The following NFIB variants were observed in gnomAD, a reference collection of about 807,000 sequenced individuals.
NFIB encodes nuclear factor 1 B-type.
In NFIB, 11 loss-of-function variants were observed where a neutral mutation model predicts 61.5. The observed-to-expected ratio is 0.18, with a 90% CI of 0.11 to 0.30. The LOEUF (loss-of-function observed/expected upper bound fraction) is 0.30. Ranked by LOEUF, NFIB falls within the 10% of genes least tolerant of loss-of-function variation. The pLI is 1.00. For missense variants in NFIB, 471 were observed against 608.9 expected, an observed-to-expected ratio of 0.77 and a Z score of 2.38; for synonymous variants, 260 against 216.5, an observed-to-expected ratio of 1.20 and a Z score of -1.76.
chr9:14,089,932 C>T (rs932646856), intron 10 of NFIB, among the ~76,000 whole-genome samples: 5 of 152,094 alleles, frequency 3.3e-5, no homozygotes, highest in African/African-American at 7.2e-5. Flanking sequence ...AATATCACAA[C>T]GACCATTTGT....
At chr9:14,523,332 C>T in the NFIB span, among the ~76,000 whole-genome samples, 2 of 152,036 alleles carry the variant, frequency 1.3e-5, no homozygotes, top group East Asian at 3.9e-4. Context: ...ATCTCTTTCT[C>T]AAAATTATTT....
At chr9:14,461,781 C>A in the NFIB span, among the ~76,000 whole-genome samples, 459 of 152,324 alleles carry the variant, frequency 3.0e-3, no homozygotes, top group Admixed American at 4.6e-3. Flanking sequence ...GTTGTGGAAA[C>A]TTTGCCTGGG....
At chr9:14,396,804 C>T (rs942017703) in intron 1 of NFIB, among the ~76,000 whole-genome samples, 5 of 152,168 alleles carry the variant, frequency 3.3e-5, no homozygotes, top group Non-Finnish European at 7.3e-5. Context: ...GTCATTGTCA[C>T]AGGAGCCTGT....
chr9:14,386,311 G>T (rs373696491), intron 1 of NFIB, among the ~76,000 whole-genome samples: 1 of 152,294 alleles, frequency 6.6e-6, no homozygotes, highest in Admixed American at 6.5e-5. Context: ...CAACTTAGGA[G>T]CATATGCTTG....
At chr9:14,151,807 A>C (rs944824950) in intron 4 of NFIB, among the ~76,000 whole-genome samples, 1 of 152,108 alleles carries the variant, frequency 6.6e-6, no homozygotes, top group Non-Finnish European at 1.5e-5. Context: ...AGCTCACACG[A>C]AATTGTACTC....
chr9:14,508,603 C>A, the NFIB span, among the ~76,000 whole-genome samples: 1 of 152,242 alleles, frequency 6.6e-6, no homozygotes, highest in Non-Finnish European at 1.5e-5. Flanking sequence ...CGGAGAAAGT[C>A]TATCACCAGG....
At chr9:14,344,073 C>A (rs1210623817) in intron 1 of NFIB, among the ~76,000 whole-genome samples, 1 of 148,048 alleles carries the variant, frequency 6.8e-6, no homozygotes, top group African/African-American at 2.5e-5. Context: ...TGCTAATATG[C>A]TGAGGACCTT....
intron 1 of NFIB, among the ~76,000 whole-genome samples, chr9:14,380,535 C>G (rs889427779): frequency 6.6e-6 from 1 of 152,158 alleles, no homozygotes; most frequent in East Asian, 1.9e-4. Flanking sequence ...CTCCTAGAGT[C>G]AAGAACACTG....
At chr9:14,141,853 G>A (rs2041742851) in intron 6 of NFIB, among the ~76,000 whole-genome samples, 1 of 137,374 alleles carries the variant, frequency 7.3e-6, no homozygotes. Flanking sequence ...CTTCCACACT[G>A]TGGAAGCTTT....
At chr9:14,216,288 G>C (rs1015949965) in intron 2 of NFIB, among the ~76,000 whole-genome samples, 1 of 152,156 alleles carries the variant, frequency 6.6e-6, no homozygotes, top group African/African-American at 2.4e-5. Context: ...CACTCAGGCT[G>C]AGCTTATCCC....
chr9:14,281,297 T>C (rs2058356390), intron 2 of NFIB, among the ~76,000 whole-genome samples: 1 of 152,200 alleles, frequency 6.6e-6, no homozygotes, highest in Non-Finnish European at 1.5e-5. Context: ...TTAACTGTAA[T>C]GTACTGTCTG....
rs79490009 is a variant in NFIB at position 14,223,343 on chromosome 9, G to A, written c.563-43563C>T. Among the ~76,000 whole-genome samples the A allele has an allele frequency of 1.8e-3, 274 of 152,208 alleles. 3 individuals carry two copies. Among genetic ancestry groups the A allele is most frequent in the African/African-American group, 5.9e-3 (245 of 41,528 alleles). ...CGCCTTACTGATAAGTGACTACTAC[G>A]TAATACTCCAGTTCAGACTCATGAT... On this transcript the variant is annotated intron_variant, in intron 2 of 10. Coordinates refer to ENST00000380953, the MANE Select transcript of NFIB (RefSeq NM_001190737.2).
the NFIB span, among the ~76,000 whole-genome samples, chr9:14,509,147 T>G: frequency 3.3e-5 from 5 of 152,338 alleles, no homozygotes; most frequent in African/African-American, 1.2e-4. Context: ...GTGACATTAG[T>G]CAGCAAAACA....
At chr9:14,279,266 G>A (rs991714442) in intron 2 of NFIB, among the ~76,000 whole-genome samples, 4 of 152,038 alleles carry the variant, frequency 2.6e-5, no homozygotes, top group African/African-American at 4.8e-5. Context: ...CCTTTTCTAC[G>A]ATAATAAGAG....
At chr9:14,290,900 C>G (rs987168927) in intron 2 of NFIB, among the ~76,000 whole-genome samples, 1 of 152,158 alleles carries the variant, frequency 6.6e-6, no homozygotes, top group Middle Eastern at 3.4e-3. Flanking sequence ...ATAGTATGCT[C>G]TCATAACATT....
At chr9:14,445,218 T>A in the NFIB span, among the ~76,000 whole-genome samples, 1 of 152,196 alleles carries the variant, frequency 6.6e-6, no homozygotes, top group Non-Finnish European at 1.5e-5. Flanking sequence ...ATAATTAACC[T>A]GTATATTTTG....
intron 2 of NFIB, among the ~76,000 whole-genome samples, chr9:14,265,869 G>A (rs941090778): frequency 6.6e-6 from 1 of 152,158 alleles, no homozygotes; most frequent in African/African-American, 2.4e-5. Flanking sequence ...CTTATGTTAG[G>A]GAAGTAGAAA....
At chr9:14,293,429 A>G (rs2059227533) in intron 2 of NFIB, among the ~76,000 whole-genome samples, 1 of 152,220 alleles carries the variant, frequency 6.6e-6, no homozygotes, top group Admixed American at 6.5e-5. Context: ...GGAACACCCA[A>G]GGTTGAATTC....
At chr9:14,100,605 G>C (rs987623287) in intron 10 of NFIB, among the ~76,000 whole-genome samples, 1 of 152,164 alleles carries the variant, frequency 6.6e-6, no homozygotes, top group Admixed American at 6.5e-5. Context: ...AGCTACGGAG[G>C]GGGCTGAGGC....
Sources: allele counts gnomAD v4.1 joint callset (sites outside exome capture counted in the v4.1 genomes callset), GRCh38; gene constraint gnomAD v4.1.1; transcripts MANE v1.5; gene names NCBI Gene and HGNC (gene_info 2026-07-23, HGNC 2026-07-21).